BROX: variants seen among roughly 807,000 people sequenced by gnomAD.
The protein encoded by BROX is BRO1 domain and CAAX motif containing.
In BROX, 53 loss-of-function variants were observed where a neutral mutation model predicts 61.0. The ratio of observed to expected loss-of-function variants is 0.87; its 90% CI spans 0.70 to 1.09. The LOEUF (loss-of-function observed/expected upper bound fraction) is 1.09, where lower values mean the gene tolerates loss of function less well. Ranked by LOEUF, BROX falls within the 50% of genes least tolerant of loss-of-function variation. The probability of loss-of-function intolerance (pLI) is 0.00; values close to 1 mark genes in which losing one functional copy is unlikely to be tolerated. For synonymous variants in BROX, 152 were observed against 160.2 expected, an observed-to-expected ratio of 0.95 and a Z score of 0.38; for missense variants, 489 against 472.0, an observed-to-expected ratio of 1.04 and a Z score of -0.33.
At chr1:222,722,546 G>C in intron 5 of BROX, 32 bp downstream of exon 5, 2 of 1,449,316 alleles carry the variant, frequency 1.4e-6, no homozygotes, top group Non-Finnish European at 1.9e-6. Context: ...GTGTACATCT[G>C]TGTTATTTTT....
chr1:222,716,905 A>G (rs1297610663), intron 2 of BROX, among the ~76,000 whole-genome samples: 6 of 152,230 alleles, frequency 3.9e-5, no homozygotes, highest in South Asian at 4.1e-4. Flanking sequence ...GGAGGAGTCA[A>G]TGGACCTGAT....
rs1401719462 is a variant in BROX at position 222,725,494 on chromosome 1, A to C, written c.519A>C (p.Arg173Ser). Residue 173 changes from arginine (R) to serine (S), a missense_variant, in exon 7 of 13, where the codon AGA (arginine) becomes AGC (serine). Transcript: ENST00000340934. ...TCATTACACCTGCGGAAAAAGGAAG[A>C]GATTTAGAGTCACGACTCATAGAAG... ...PKLITPAEKG[R>S]DLESRLIEAY... The C allele has an allele frequency of 2.5e-6, 4 of 1,613,024 alleles. No homozygotes were observed. Among genetic ancestry groups the C allele is most frequent in the Admixed American group, 3.3e-5 (2 of 59,774 alleles).
Position 222,712,679 on chromosome 1 carries a change from A to C in BROX, c.-280A>C. The C allele has an allele frequency of 7.7e-7, 1 of 1,295,634 alleles. No homozygotes were observed. The highest frequency in any genetic ancestry group is 1.2e-5 in the South Asian group (1 of 80,676). 80.3% of individuals were successfully genotyped at this position (1,295,634 alleles called of 1,614,324 possible). ...CATAGCTCAAAAGGAAGGCCGAGGG[A>C]GAAGTTAGAAAGGGATGATGAACGA... is the stretch of plus-strand genomic sequence containing the variant. On this transcript the variant is annotated 5_prime_UTR_variant, in exon 1 of 13. Coordinates refer to ENST00000340934, the MANE Select transcript of BROX (RefSeq NM_144695.4).
At chr1:222,723,875 T>A in intron 5 of BROX, among the ~76,000 whole-genome samples, 1 of 152,146 alleles carries the variant, frequency 6.6e-6, no homozygotes, top group Non-Finnish European at 1.5e-5. Context: ...GCCAGGATGG[T>A]CTCAAACTTC....
At chr1:222,725,684 C>A in intron 7 of BROX, 129 bp downstream of exon 7, 1 of 606,744 alleles carries the variant, frequency 1.6e-6, no homozygotes, top group Non-Finnish European at 2.6e-6. Context: ...TCTAGGTGGG[C>A]AGCTCACTTG....
chr1:222,724,583 T>G (rs1442815717), intron 6 of BROX, among the ~76,000 whole-genome samples: 1 of 152,212 alleles, frequency 6.6e-6, no homozygotes, highest in Non-Finnish European at 1.5e-5. Context: ...TGACAATCAG[T>G]GCACTCTAAT....
intron 2 of BROX, among the ~76,000 whole-genome samples, 175 bp downstream of exon 2, chr1:222,715,975 T>G (rs1242649915): frequency 1.3e-5 from 2 of 152,236 alleles, no homozygotes; most frequent in African/African-American, 4.8e-5. Flanking sequence ...ATCCTTAATT[T>G]TAGATCAGTA....
rs375053073 is a variant in BROX, at chr1:222,718,947, C to T, written c.124C>T (p.Arg42Ter). 1.4e-5 allele frequency: 23 copies of T among 1,613,586 alleles called. No homozygotes were observed. Among genetic ancestry groups the T allele is most frequent in the African/African-American group, 4.0e-5 (3 of 74,882 alleles). Reference protein sequence around the residue: ...ICNDLRSSRARLLELFTDLSC... With the variant: ...ICNDLRSSRA ...AAGTGACTTGAGGTCATCCAGGGCACGACTCCTTGAACTGTTCACTGATTT... is the reference window on the plus strand; with the variant it reads ...AAGTGACTTGAGGTCATCCAGGGCATGACTCCTTGAACTGTTCACTGATTT... Residue 42 changes from arginine (R) to a stop codon, truncating the protein, a stop_gained, in exon 3 of 13, where the codon CGA (arginine) becomes TGA (stop). Coordinates refer to ENST00000340934, the MANE Select transcript of BROX (RefSeq NM_144695.4). LOFTEE classifies it high-confidence loss of function.
rs562586662 is a variant in BROX, at chr1:222,729,446, C to T, written c.757-174C>T. ...GTTAGAAGGCTGTTTGGGCTCAAGA[C>T]TTGACATATTTCCACCTTTTCTATG... On this transcript the variant is annotated intron_variant, in intron 9 of 12. Transcript: ENST00000340934. 5.9e-5 allele frequency among the ~76,000 whole-genome samples: 9 copies of T among 152,268 alleles called. No homozygotes were observed. In the East Asian group the frequency reaches 1.7e-3, roughly 29 times the overall value.
At chr1:222,726,994 C>T (rs1657549257) in intron 7 of BROX, among the ~76,000 whole-genome samples, 174 bp from the exon 8 acceptor site, 1 of 152,210 alleles carries the variant, frequency 6.6e-6, no homozygotes, top group Admixed American at 6.5e-5. Context: ...AACCAACAAA[C>T]TCAGTGTTTT....
chr1:222,729,729 C>G, intron 10 of BROX, 28 bp downstream of exon 10: 2 of 1,581,922 alleles, frequency 1.3e-6, no homozygotes, highest in Middle Eastern at 1.7e-4. Context: ...AATATTAACT[C>G]CCCTTTAAAA....
chr1:222,717,810 AT>A (rs1656749244), intron 2 of BROX: 1 of 152,218 alleles, frequency 6.6e-6, no homozygotes, highest in African/African-American at 2.4e-5. Flanking sequence ...TTGAAAAGTT[AT>A]TCTTTTTCCA....
At chr1:222,719,708 A>G (rs1656922204) in intron 4 of BROX, among the ~76,000 whole-genome samples, 1 of 152,096 alleles carries the variant, frequency 6.6e-6, no homozygotes, top group East Asian at 1.9e-4. Context: ...TTTTTCCCTT[A>G]CTTTTCTTTT....
chr1:222,732,177 G>A (rs1657984198), intron 12 of BROX, among the ~76,000 whole-genome samples: 1 of 151,992 alleles, frequency 6.6e-6, no homozygotes, highest in Non-Finnish European at 1.5e-5. Flanking sequence ...GCCTATTGCT[G>A]TCATAAGTTA....
In BROX at chr1:222,730,054, A is replaced by G. The variant is rs1302925787; in HGVS notation, c.866A>G (p.Lys289Arg). The G allele has an allele frequency of 6.2e-7, 1 of 1,611,150 alleles. No homozygotes were observed. The highest frequency in any genetic ancestry group is 1.7e-5 in the Admixed American group (1 of 59,272). The change falls in exon 11 of 13, where the codon AAA (lysine) becomes AGA (arginine). Residue 289 changes from lysine (K) to arginine (R), a missense_variant. Lys to Arg is a conservative substitution (Grantham distance 26). Transcript: ENST00000340934. ...TATGCAAAGGCAGAAGCACTGTGTA[A>G]AGAATATGGAGAAACCAAAGGACCT... ...KLYAKAEALC[K>R]EYGETKGPGP...
chr1:222,719,848 T>C (rs1458384226), intron 4 of BROX, among the ~76,000 whole-genome samples: 1 of 152,256 alleles, frequency 6.6e-6, no homozygotes, highest in East Asian at 1.9e-4. Context: ...AAAACTTCTC[T>C]TCAGAGCTTT....
chr1:222,720,550 G>A (rs796332561), intron 4 of BROX, among the ~76,000 whole-genome samples: 27 of 152,034 alleles, frequency 1.8e-4, no homozygotes, highest in Admixed American at 1.6e-3. Context: ...AGTGGCTCAC[G>A]CCTGTAATCC....
At chr1:222,720,392 A>C (rs1204084095) in intron 4 of BROX, among the ~76,000 whole-genome samples, 1 of 152,156 alleles carries the variant, frequency 6.6e-6, no homozygotes, top group African/African-American at 2.4e-5. Flanking sequence ...AAAATTAAGC[A>C]ATTTTTTTAA....
At chr1:222,713,406 G>T in intron 1 of BROX, 1 of 985,624 alleles carries the variant, frequency 1.0e-6, no homozygotes, top group Non-Finnish European at 1.2e-6. Flanking sequence ...GAGCTCGGGG[G>T]CGGCGCTCAG....
Sources: gnomAD v4.1 joint callset for allele counts (sites outside exome capture counted in the v4.1 genomes callset) on GRCh38, gnomAD v4.1.1 for gene constraint, MANE v1.5 for transcripts, NCBI Gene and HGNC (gene_info 2026-07-23, HGNC 2026-07-21) for gene names.